MYH9: variants seen among roughly 807,000 people sequenced by gnomAD.
MYH9 encodes the protein myosin-9.
A neutral mutation model predicts 241.9 loss-of-function variants in MYH9; 29 were observed. The observed-to-expected ratio is 0.12, with a 90% confidence interval of 0.09 to 0.16. The LOEUF is 0.16. MYH9 is among the 10% of genes least tolerant of loss of function. The probability of loss-of-function intolerance (pLI) is 1.00; values close to 1 mark genes in which losing one functional copy is unlikely to be tolerated. For missense variants in MYH9, 1,803 were observed against 2,595.5 expected (o/e 0.69, Z 6.63); for synonymous variants, 1,047 against 1,062.6 (o/e 0.99, Z 0.29).
rs2269532 is a variant in MYH9, at chr22:36,321,994, G to A, written c.706-173C>T. 0.37 allele frequency: 244,616 copies of A among 669,844 alleles called. 51,217 individuals carry two copies. Among genetic ancestry groups the A allele is most frequent in the East Asian group, 0.81 (29,736 of 36,500 alleles). 41.5% of individuals were successfully genotyped at this position (669,844 alleles called of 1,614,324 possible). A position where few individuals can be genotyped will look rare whatever the true frequency, so the allele number is the denominator to read the frequency against. ...GGGGCCCCCTACGCCCACACCACAC[G>A]GGACCTCGGGACTCAGGCGCCACAC... On this transcript the variant is annotated intron_variant, in intron 6 of 40. Transcript: ENST00000216181.
intron 11 of MYH9, among the ~76,000 whole-genome samples, chr22:36,317,239 C>G (rs1320820552): frequency 6.6e-6 from 1 of 152,204 alleles, no homozygotes; most frequent in Non-Finnish European, 1.5e-5. Flanking sequence ...ACACTCTCCC[C>G]TCTTCTTTGT....
At chr22:36,301,395 G>C (rs2016874534) in intron 21 of MYH9, 139 bp downstream of exon 21, 5 of 1,182,874 alleles carry the variant, frequency 4.2e-6, no homozygotes, top group Non-Finnish European at 6.1e-6. Flanking sequence ...ACTGGTCACT[G>C]TTTACAGTAA....
In MYH9 at chr22:36,295,358, G is replaced by A; in HGVS notation, c.3485+147C>T. 5.2e-6 allele frequency: 4 copies of A among 766,372 alleles called. No homozygotes were observed. The allele number at this position is 766,372 out of a possible 1,614,324, so 47.5% of individuals were successfully genotyped here. On this transcript the variant is annotated intron_variant, in intron 26 of 40. Coordinates refer to ENST00000216181, the MANE Select transcript of MYH9 (RefSeq NM_002473.6). This position sits in a 1 kb window ranked among gnomAD's most constrained non-coding sequence, Gnocchi z 4.1. ...CTACTCTGTAGAGAGAAACCGCTGAGGAACCAGCAGCTTCCATGCCTGCTG... is the reference window on the plus strand; with the variant it reads ...CTACTCTGTAGAGAGAAACCGCTGAAGAACCAGCAGCTTCCATGCCTGCTG...
chr22:36,286,156 T>A, intron 35 of MYH9: 1 of 627,354 alleles, frequency 1.6e-6, no homozygotes, highest in South Asian at 1.9e-5. Flanking sequence ...AACTCTTACA[T>A]TTAAGTGCTA....
chr22:36,324,954 C>T (rs1250513875), intron 5 of MYH9: 2 of 674,196 alleles, frequency 3.0e-6, no homozygotes, highest in Non-Finnish European at 2.7e-6. Context: ...CTCTCCGTGT[C>T]CTGTCTCCTG....
chr22:36,318,063 G>A (rs998229037), intron 11 of MYH9, 144 bp downstream of exon 11: 30 of 783,946 alleles, frequency 3.8e-5, no homozygotes, highest in South Asian at 5.4e-5. Context: ...ACCTCTCTCC[G>A]GGTTGCTGTG....
At chr22:36,324,474 G>A (rs925217894) in intron 5 of MYH9, among the ~76,000 whole-genome samples, 39 of 152,336 alleles carry the variant, frequency 2.6e-4, no homozygotes, top group African/African-American at 8.9e-4. Context: ...TTCAGGATCC[G>A]GGCATCTGCC....
At chr22:36,323,601 C>T (rs1283442588) in intron 5 of MYH9, among the ~76,000 whole-genome samples, 1 of 152,156 alleles carries the variant, frequency 6.6e-6, no homozygotes, top group Non-Finnish European at 1.5e-5. Context: ...GAGCCATGGA[C>T]CCTGGCCTTA....
Position 36,299,024 on chromosome 22 carries a change from C to T in MYH9, c.2995G>A (p.Asp999Asn). ...KLAKEKKLLE[D>N]RIAEFTTNLT... is the part of the protein sequence containing the mutation. ...TTGGTGGTGAACTCAGCTATTCTGT[C>T]TTCCAGCAGTTTCTTTTCCTGGGGA... The change falls in exon 24 of 41, where the codon GAC becomes AAC. Residue 999 changes from aspartate to asparagine, a missense_variant. By Grantham distance (23) the Asp-to-Asn change is conservative. Around this residue, in one of 11 missense-constraint regions of MYH9, gnomAD observed 290 missense variants for 360.5 expected, o/e 0.80. Coordinates refer to ENST00000216181, the MANE Select transcript of MYH9 (RefSeq NM_002473.6). 6.2e-7 allele frequency: 1 copy of T among 1,614,110 alleles called. No homozygotes were observed. Among genetic ancestry groups the T allele is most frequent in the Non-Finnish European group, 8.5e-7 (1 of 1,179,992 alleles).
At chr22:36,336,422 T>C (rs1346330713) in intron 3 of MYH9, among the ~76,000 whole-genome samples, 2 of 152,166 alleles carry the variant, frequency 1.3e-5, no homozygotes, top group Non-Finnish European at 2.9e-5. Flanking sequence ...CAGCAGACCA[T>C]TGTGCCTGCC....
Position 36,282,697 on chromosome 22 carries a change from C to T in MYH9, c.5854G>A (p.Asp1952Asn). The change falls in exon 41 of 41, where the codon GAT becomes AAT. Residue 1952 changes from aspartate (D) to asparagine (N), a missense_variant. By Grantham distance (23) the Asp-to-Asn change is conservative. This residue lies in a region of MYH9 where 876 missense variants were observed against 1,077.8 expected (regional missense o/e 0.81). Transcript: ENST00000216181. ...GSDEEVDGKA[D>N]GAEAKPAE ...TCGGCAGGTTTGGCCTCAGCCCCAT[C>T]CGCTTTGCCATCTACCTCTTCGTCG... 2 of 1,614,082 alleles carry T rather than the reference C, an allele frequency of 1.2e-6. No individual in the cohort carries two copies. The highest frequency in any genetic ancestry group is 8.5e-7 in the Non-Finnish European group (1 of 1,180,044).
intron 24 of MYH9, 126 bp from the exon 25 acceptor site, chr22:36,297,140 C>G: frequency 1.9e-6 from 2 of 1,067,898 alleles, no homozygotes; most frequent in Non-Finnish European, 2.8e-6. Context: ...CACAAACACA[C>G]AGACACTCGC....
At chr22:36,301,161 T>A in intron 21 of MYH9, 104 bp from the exon 22 acceptor site, 1 of 1,146,634 alleles carries the variant, frequency 8.7e-7, no homozygotes. Context: ...GAAAGGAACA[T>A]GCAGACAAAA....
intron 1 of MYH9, among the ~76,000 whole-genome samples, chr22:36,355,723 C>A (rs2017844835): frequency 6.6e-6 from 1 of 152,128 alleles, no homozygotes; most frequent in African/African-American, 2.4e-5. Context: ...GGGGCTCAGA[C>A]AAGGCACAAA....
At chr22:36,315,430 A>C (rs890612302) in intron 12 of MYH9, among the ~76,000 whole-genome samples, 1 of 152,114 alleles carries the variant, frequency 6.6e-6, no homozygotes, top group African/African-American at 2.4e-5. Context: ...TAGACCTCAA[A>C]GTTGTCATGG....
chr22:36,371,786 C>A (rs559064938), intron 1 of MYH9, among the ~76,000 whole-genome samples: 1 of 152,144 alleles, frequency 6.6e-6, no homozygotes, highest in South Asian at 2.1e-4. Context: ...CCGCCCGCCT[C>A]GGCCTCCCAA....
intron 3 of MYH9, among the ~76,000 whole-genome samples, chr22:36,335,083 C>T (rs748698696): frequency 5.7e-4 from 87 of 152,172 alleles, no homozygotes; most frequent in Middle Eastern, 3.2e-3. Flanking sequence ...CCCGTACCCA[C>T]CCCAGAAGCT....
intron 12 of MYH9, among the ~76,000 whole-genome samples, chr22:36,316,125 C>A (rs550971538): frequency 6.6e-6 from 1 of 150,784 alleles, no homozygotes; most frequent in African/African-American, 2.4e-5. Context: ...GCAACCTCTG[C>A]CTCCCGGGTT....
At chr22:36,349,505 A>T (rs951181045) in intron 1 of MYH9, among the ~76,000 whole-genome samples, 1 of 152,178 alleles carries the variant, frequency 6.6e-6, no homozygotes, top group African/African-American at 2.4e-5. Flanking sequence ...CAAGGTAGGC[A>T]TATCACCTGA....
Sources: allele counts gnomAD v4.1 joint callset (sites outside exome capture counted in the v4.1 genomes callset), GRCh38; gene constraint gnomAD v4.1.1; regional missense constraint gnomAD v4.1.1; non-coding constraint Gnocchi (gnomAD v3.1); transcripts MANE v1.5; gene names NCBI Gene and HGNC (gene_info 2026-07-23, HGNC 2026-07-21).